INSC: variants seen among roughly 807,000 people sequenced by gnomAD.
The protein encoded by INSC is INSC spindle orientation adaptor protein, also known as protein inscuteable homolog.
In INSC, 67 loss-of-function variants were observed where a neutral mutation model predicts 58.6. The ratio of observed to expected loss-of-function variants is 1.14; its 90% CI spans 0.94 to 1.40. INSC has a LOEUF of 1.40. Among genes scored for constraint, INSC ranks in the 40% most tolerant of loss-of-function variants. INSC has a pLI of 0.00. For missense variants in INSC, 714 were observed against 692.0 expected (o/e 1.03, Z -0.36); for synonymous variants, 262 against 276.1 (o/e 0.95, Z 0.51).
chr11:15,151,424 A>T (rs1054607405), intron 2 of INSC, among the ~76,000 whole-genome samples: 2 of 151,960 alleles, frequency 1.3e-5, no homozygotes, highest in African/African-American at 4.8e-5. Flanking sequence ...TCTCCCTCCC[A>T]CCAGGTAGTG....
At chr11:15,218,626 G>T (rs887817756) in intron 7 of INSC, among the ~76,000 whole-genome samples, 1 of 151,942 alleles carries the variant, frequency 6.6e-6, no homozygotes, top group Non-Finnish European at 1.5e-5. Flanking sequence ...GTTACCAAAA[G>T]AGATCTGAAG....
the INSC span, among the ~76,000 whole-genome samples, chr11:15,253,172 C>T: frequency 6.6e-6 from 1 of 152,154 alleles, no homozygotes; most frequent in Non-Finnish European, 1.5e-5. Flanking sequence ...ATGCAACAAA[C>T]AGAAGAAAAT....
At chr11:15,193,993 C>A (rs1347373491) in intron 6 of INSC, among the ~76,000 whole-genome samples, 1 of 152,216 alleles carries the variant, frequency 6.6e-6, no homozygotes, top group Non-Finnish European at 1.5e-5. Flanking sequence ...CACTCAACTT[C>A]ATGGCTGGAT....
At chr11:15,243,434 GT>G (rs1339187859) in intron 12 of INSC, among the ~76,000 whole-genome samples, 3 of 152,210 alleles carry the variant, frequency 2.0e-5, no homozygotes, top group Admixed American at 6.5e-5. Flanking sequence ...TGCCAGGCTT[GT>G]TTAATGCTTG....
At chr11:15,135,807 A>G (rs954828536) in intron 1 of INSC, among the ~76,000 whole-genome samples, 4 of 152,214 alleles carry the variant, frequency 2.6e-5, no homozygotes, top group African/African-American at 9.6e-5. Flanking sequence ...TGGCTAGTTT[A>G]TAGTGAACAG....
At chr11:15,115,069 A>T in intron 1 of INSC, 66 bp downstream of exon 1, 2 of 951,134 alleles carry the variant, frequency 2.1e-6, no homozygotes, top group South Asian at 4.8e-5. Flanking sequence ...CTAGTTGGGA[A>T]CAGTGCAGGT....
intron 2 of INSC, among the ~76,000 whole-genome samples, chr11:15,160,112 G>A (rs1048670042): frequency 2.0e-5 from 3 of 152,178 alleles, no homozygotes; most frequent in Non-Finnish European, 4.4e-5. Context: ...AGGGGGTAAG[G>A]CAGACATTTA....
the INSC span, among the ~76,000 whole-genome samples, chr11:15,269,512 T>C: frequency 6.6e-6 from 1 of 151,972 alleles, no homozygotes; most frequent in Non-Finnish European, 1.5e-5. Context: ...CATGGCTGAC[T>C]GGAATTCCTG....
chr11:15,260,885 A>T, the INSC span, among the ~76,000 whole-genome samples: 10 of 152,176 alleles, frequency 6.6e-5, no homozygotes, highest in Non-Finnish European at 1.3e-4. Context: ...ATATAATTAT[A>T]TATAGGAGCT....
intron 6 of INSC, among the ~76,000 whole-genome samples, chr11:15,199,721 C>T (rs1220327075): frequency 2.6e-5 from 4 of 152,142 alleles, no homozygotes; most frequent in Non-Finnish European, 5.9e-5. Context: ...AGGTTAAAGG[C>T]GAGTGCCCTG....
Position 15,119,780 on chromosome 11 carries a change from G to A in INSC, c.-46+4777G>A, listed in dbSNP as rs573244687. Among the ~76,000 whole-genome samples the A allele has an allele frequency of 8.1e-4, 124 of 152,330 alleles. 1 individual carries two copies. The highest frequency in any genetic ancestry group is 2.8e-3 in the African/African-American group (118 of 41,570). On this transcript the variant is annotated intron_variant, in intron 1 of 12. Coordinates refer to ENST00000379556, the MANE Select transcript of INSC (RefSeq NM_001042536.3). ...GGTCAGAGGTGGGCGGTACATACTG[G>A]CAATGTGCGGAAAAGAGTGCACGGG...
chr11:15,129,064 G>A (rs75266165), intron 1 of INSC, among the ~76,000 whole-genome samples: 1,566 of 152,290 alleles, frequency 0.01, 19 homozygotes, highest in Non-Finnish European at 0.015. Context: ...GAACCTCAAG[G>A]GTAGAAGTAT....
chr11:15,190,908 C>A (rs572571644), intron 6 of INSC, 94 bp downstream of exon 6: 1 of 805,786 alleles, frequency 1.2e-6, no homozygotes, highest in East Asian at 2.5e-5. Flanking sequence ...CGAGGTCTGT[C>A]TTGGCCCCTG....
intron 2 of INSC, among the ~76,000 whole-genome samples, chr11:15,169,083 C>T (rs774215033): frequency 6.6e-6 from 1 of 152,092 alleles, no homozygotes; most frequent in African/African-American, 2.4e-5. Context: ...TGCTCAAACT[C>T]GTAGACAATA....
At chr11:15,173,803 G>T (rs1000755485) in intron 2 of INSC, among the ~76,000 whole-genome samples, 1 of 152,078 alleles carries the variant, frequency 6.6e-6, no homozygotes, top group African/African-American at 2.4e-5. Context: ...CATAAGATGT[G>T]TGGTTAAAAA....
intron 6 of INSC, among the ~76,000 whole-genome samples, chr11:15,193,445 C>A (rs567461632): frequency 6.6e-6 from 1 of 152,264 alleles, no homozygotes; most frequent in East Asian, 1.9e-4. Flanking sequence ...CCTCCCCCAT[C>A]CCCCCACTCC....
intron 5 of INSC, among the ~76,000 whole-genome samples, chr11:15,187,558 G>A (rs1564892219): frequency 6.6e-6 from 1 of 152,178 alleles, no homozygotes; most frequent in African/African-American, 2.4e-5. Context: ...CCTCCCTTCT[G>A]ATAGATTTCA....
intron 9 of INSC, among the ~76,000 whole-genome samples, chr11:15,229,952 A>G (rs1851792574): frequency 1.6e-4 from 1 of 6,408 alleles, no homozygotes; most frequent in Admixed American, 4.1e-3. Context: ...ATAATATTAT[A>G]TATATATTTA....
chr11:15,205,690 C>T (rs971572570), intron 7 of INSC, among the ~76,000 whole-genome samples: 1 of 152,112 alleles, frequency 6.6e-6, no homozygotes, highest in Non-Finnish European at 1.5e-5. Context: ...GGGATGAGTC[C>T]TCACAGTCTT....
Sources: gnomAD v4.1 joint callset for allele counts (sites outside exome capture counted in the v4.1 genomes callset) on GRCh38, gnomAD v4.1.1 for gene constraint, MANE v1.5 for transcripts, NCBI Gene and HGNC (gene_info 2026-07-23, HGNC 2026-07-21) for gene names.